The following RAB11FIP4 variants were observed in gnomAD, a reference collection of about 807,000 sequenced individuals.
The protein encoded by RAB11FIP4 is rab11 family-interacting protein 4.
Under a neutral mutation model 74.3 loss-of-function variants are expected in RAB11FIP4, and 23 were observed. The ratio of observed to expected loss-of-function variants is 0.31; its 90% CI spans 0.22 to 0.44. RAB11FIP4 has a LOEUF of 0.44. RAB11FIP4 is among the 20% of genes least tolerant of loss of function. The pLI is 1.00. For synonymous variants in RAB11FIP4, 360 were observed against 359.9 expected (o/e 1.00, Z 0.00); for missense variants, 630 against 863.9 (o/e 0.73, Z 3.39).
chr17:31,442,571 G>A (rs2071416303), intron 3 of RAB11FIP4, among the ~76,000 whole-genome samples: 4 of 152,144 alleles, frequency 2.6e-5, no homozygotes, highest in Admixed American at 2.6e-4. Flanking sequence ...GAGGCCAAAT[G>A]GACTGCAAAG....
chr17:31,436,146 G>T (rs1438359725), intron 3 of RAB11FIP4, among the ~76,000 whole-genome samples: 1 of 152,150 alleles, frequency 6.6e-6, no homozygotes, highest in African/African-American at 2.4e-5. Flanking sequence ...GGCCACCCAG[G>T]ACAGGCCATG....
intron 3 of RAB11FIP4, among the ~76,000 whole-genome samples, chr17:31,496,297 G>A (rs891023598): frequency 1.3e-5 from 2 of 152,150 alleles, no homozygotes; most frequent in Non-Finnish European, 2.9e-5. Context: ...TCTGAGCCTC[G>A]GGATTTTCCT....
intron 3 of RAB11FIP4, among the ~76,000 whole-genome samples, chr17:31,486,639 A>G (rs1265020738): frequency 6.6e-6 from 1 of 152,208 alleles, no homozygotes; most frequent in Non-Finnish European, 1.5e-5. Flanking sequence ...GTGGGAGCGG[A>G]CCCAAACAAG....
At chr17:31,454,178 G>C (rs1244096835) in intron 3 of RAB11FIP4, among the ~76,000 whole-genome samples, 1 of 152,206 alleles carries the variant, frequency 6.6e-6, no homozygotes, top group Non-Finnish European at 1.5e-5. Context: ...CATTGTATTA[G>C]AGAGATTAAA....
In RAB11FIP4 at chr17:31,432,019, G is replaced by C. The variant is rs950539877; in HGVS notation, c.247+119G>C. The C allele has an allele frequency of 8.8e-5, 66 of 752,572 alleles. No homozygotes were observed. In the Admixed American group the frequency reaches 1.7e-3, roughly 20 times the overall value. 46.6% of individuals were successfully genotyped at this position (752,572 alleles called of 1,614,324 possible). On this transcript the variant is annotated intron_variant, in intron 2 of 14. Coordinates refer to ENST00000621161, the MANE Select transcript of RAB11FIP4 (RefSeq NM_032932.6). Reference sequence around the variant, plus strand: ...CACAGGGGTCCCAGAGCCCAGGATGGGCCAGAAGTCGGTTCTGCCTCTGGC... The same window carrying C: ...CACAGGGGTCCCAGAGCCCAGGATGCGCCAGAAGTCGGTTCTGCCTCTGGC...
intron 1 of RAB11FIP4, among the ~76,000 whole-genome samples, chr17:31,399,644 C>T (rs542424573): frequency 3.8e-4 from 58 of 151,952 alleles, no homozygotes; most frequent in African/African-American, 1.2e-3. Flanking sequence ...ACCCGGGAGG[C>T]GGAGGTTGCA....
chr17:31,424,486 G>A (rs1024351258), intron 1 of RAB11FIP4, among the ~76,000 whole-genome samples: 1 of 151,832 alleles, frequency 6.6e-6, no homozygotes, highest in Non-Finnish European at 1.5e-5. Flanking sequence ...TTGGCTCATT[G>A]CAACCTCCCG....
At position 31,532,176 on chromosome 17, in the gene RAB11FIP4, T is replaced by C. The variant is rs1406590185; in HGVS notation, c.*444T>C. 6.3e-6 allele frequency: 1 copy of C among 159,962 alleles called. No homozygotes were observed. Among genetic ancestry groups the C allele is most frequent in the Non-Finnish European group, 1.4e-5 (1 of 71,954 alleles). The allele number at this position is 159,962 out of a possible 1,614,324, so 9.9% of individuals were successfully genotyped here. Reference sequence around the variant, plus strand: ...GTGGGAGCAAAATTGTGATCTTTCCTAGGAGTTTGAATGCCCCATATTTGT... The same window carrying C: ...GTGGGAGCAAAATTGTGATCTTTCCCAGGAGTTTGAATGCCCCATATTTGT... On this transcript the variant is annotated 3_prime_UTR_variant, in exon 15 of 15. Transcript: ENST00000621161.
chr17:31,500,868 CA>C (rs1469027642), intron 3 of RAB11FIP4, among the ~76,000 whole-genome samples: 2 of 151,974 alleles, frequency 1.3e-5, no homozygotes, highest in Non-Finnish European at 2.9e-5. Context: ...ACTAAAAATA[CA>C]AAAATTAGCT....
intron 3 of RAB11FIP4, among the ~76,000 whole-genome samples, chr17:31,482,157 T>G (rs945241455): frequency 6.6e-6 from 1 of 152,180 alleles, no homozygotes; most frequent in Non-Finnish European, 1.5e-5. Flanking sequence ...CCAGGCCTCC[T>G]GCATCTTCAC....
At chr17:31,517,975 A>G (rs2072592605) in intron 4 of RAB11FIP4, 98 bp downstream of exon 4, 3 of 949,432 alleles carry the variant, frequency 3.2e-6, no homozygotes, top group Non-Finnish European at 3.2e-6. Context: ...AACATGCTCA[A>G]AATTTGTATC....
chr17:31,471,231 T>G (rs971223500), intron 3 of RAB11FIP4, among the ~76,000 whole-genome samples: 4 of 141,770 alleles, frequency 2.8e-5, no homozygotes, highest in African/African-American at 5.7e-5. Flanking sequence ...CCCAGCTAAT[T>G]TTTTTTTTTT....
At chr17:31,529,454 C>T (rs1790536729) in intron 13 of RAB11FIP4, among the ~76,000 whole-genome samples, 1 of 152,014 alleles carries the variant, frequency 6.6e-6, no homozygotes, top group South Asian at 2.1e-4. Context: ...TATTTATTTC[C>T]AGAGATGGGG....
At chr17:31,429,221 C>A (rs2071283153) in intron 1 of RAB11FIP4, among the ~76,000 whole-genome samples, 1 of 152,152 alleles carries the variant, frequency 6.6e-6, no homozygotes, top group Non-Finnish European at 1.5e-5. Context: ...AGGGAGCTTA[C>A]TTTGTAGAGA....
At chr17:31,402,612 T>TTATTTATTTATA (rs2070999027) in intron 1 of RAB11FIP4, among the ~76,000 whole-genome samples, 1 of 149,826 alleles carries the variant, frequency 6.7e-6, no homozygotes. Flanking sequence ...ATTTATTTAT[T>TTATTTATTTATA]TATTTATTTA....
chr17:31,426,006 G>A (rs892884551), intron 1 of RAB11FIP4, among the ~76,000 whole-genome samples: 1 of 152,260 alleles, frequency 6.6e-6, no homozygotes, highest in Non-Finnish European at 1.5e-5. Flanking sequence ...TGGGTCAGTG[G>A]AATGTGTCTG....
chr17:31,442,310 T>C (rs1012000971), intron 3 of RAB11FIP4, among the ~76,000 whole-genome samples: 3 of 152,188 alleles, frequency 2.0e-5, no homozygotes, highest in Non-Finnish European at 4.4e-5. Context: ...GGTGTATATA[T>C]ATATTTTTAA....
At chr17:31,492,375 G>A (rs1288300889) in intron 3 of RAB11FIP4, among the ~76,000 whole-genome samples, 4 of 152,134 alleles carry the variant, frequency 2.6e-5, no homozygotes, top group Non-Finnish European at 4.4e-5. Context: ...TGCGGCATTC[G>A]GATGGGGCAT....
At chr17:31,450,093 T>C (rs750231587) in intron 3 of RAB11FIP4, among the ~76,000 whole-genome samples, 5 of 152,124 alleles carry the variant, frequency 3.3e-5, no homozygotes, top group African/African-American at 4.8e-5. Context: ...ATGGAACTTA[T>C]CCCTCCTCTA....
Sources: allele counts gnomAD v4.1 joint callset (sites outside exome capture counted in the v4.1 genomes callset), GRCh38; gene constraint gnomAD v4.1.1; transcripts MANE v1.5; gene names NCBI Gene and HGNC (gene_info 2026-07-23, HGNC 2026-07-21).